The following DMD variants were observed in gnomAD, a reference collection of about 807,000 sequenced individuals.
DMD encodes mutant dystrophin.
In DMD, 63 loss-of-function variants were observed where a neutral mutation model predicts 330.1. That is an observed-to-expected ratio of 0.19 (90% CI 0.16 to 0.24). The LOEUF (loss-of-function observed/expected upper bound fraction) is 0.24, where lower values mean the gene tolerates loss of function less well. Among genes scored for constraint, DMD ranks in the 10% least tolerant of loss-of-function variants. DMD has a pLI of 1.00. For synonymous variants in DMD, 1,223 were observed against 959.8 expected, an observed-to-expected ratio of 1.27 and a Z score of -5.07; for missense variants, 3,344 against 2,684.1, an observed-to-expected ratio of 1.25 and a Z score of -5.43.
intron 60 of DMD, among the ~76,000 whole-genome samples, chrX:31,397,918 G>C (rs1383862069): frequency 8.9e-6 from 1 of 112,474 alleles, no homozygotes; most frequent in Non-Finnish European, 1.9e-5. Flanking sequence ...GATGGCAGTG[G>C]TTATAACAAA....
intron 1 of DMD, among the ~76,000 whole-genome samples, chrX:33,183,156 T>A (rs1446019479): frequency 6.2e-5 from 7 of 112,110 alleles, no homozygotes; most frequent in African/African-American, 2.3e-4. Context: ...AAAATAAAAT[T>A]TGAGTTAGCC....
intron 1 of DMD, among the ~76,000 whole-genome samples, chrX:33,250,646 G>C (rs1004698792): frequency 2.7e-5 from 3 of 111,187 alleles, no homozygotes; most frequent in Admixed American, 1.9e-4. Flanking sequence ...CAAATAGAAA[G>C]TAATGCTTTC....
intron 2 of DMD, among the ~76,000 whole-genome samples, chrX:32,889,420 A>T (rs941324010): frequency 1.8e-5 from 2 of 110,646 alleles, no homozygotes. Context: ...TTGTACATGA[A>T]ATCAGGTAAG....
chrX:32,954,293 G>A (rs1276536018), intron 2 of DMD, among the ~76,000 whole-genome samples: 2 of 111,674 alleles, frequency 1.8e-5, no homozygotes, highest in African/African-American at 6.5e-5. Context: ...CCTCAGAGTC[G>A]AGTGGAAACT....
chrX:32,115,142 C>G (rs751630018), intron 44 of DMD, among the ~76,000 whole-genome samples: 2 of 111,567 alleles, frequency 1.8e-5, no homozygotes, highest in South Asian at 7.5e-4. Context: ...AAGGTGCAGT[C>G]AATTCTCGGG....
chrX:31,850,865 C>G (rs777171705), intron 48 of DMD, among the ~76,000 whole-genome samples: 1 of 112,176 alleles, frequency 8.9e-6, no homozygotes, highest in Non-Finnish European at 1.9e-5. Flanking sequence ...ATTTCTGGGA[C>G]AAAAAAACCA....
At chrX:32,778,358 C>T in intron 7 of DMD, among the ~76,000 whole-genome samples, 1 of 110,383 alleles carries the variant, frequency 9.1e-6, no homozygotes, top group Non-Finnish European at 1.9e-5. Flanking sequence ...TGCTGGACTT[C>T]TACCATTGAG....
At chrX:32,441,787 G>C (rs911426352) in intron 27 of DMD, among the ~76,000 whole-genome samples, 1 of 111,056 alleles carries the variant, frequency 9.0e-6, no homozygotes. Flanking sequence ...TTACTAAGAA[G>C]ACATATTTTT....
At chrX:32,369,788 T>C (rs1163484409) in intron 34 of DMD, among the ~76,000 whole-genome samples, 1 of 110,969 alleles carries the variant, frequency 9.0e-6, no homozygotes, top group Non-Finnish European at 1.9e-5. Context: ...ATCTTAAGAG[T>C]CTCCTGTTCT....
Position 31,733,994 on chromosome X carries a change from G to A in DMD, c.7543-4246C>T, listed in dbSNP as rs1017982418. On this transcript the variant is annotated intron_variant, in intron 51 of 78. Transcript: ENST00000357033. ...ACTTCATAAATATCTTCCAACTGCAGTTAGCCTTTTTTGTTCTTTATTCAC... is the reference window on the plus strand; with the variant it reads ...ACTTCATAAATATCTTCCAACTGCAATTAGCCTTTTTTGTTCTTTATTCAC... Among the ~76,000 whole-genome samples, 3 of 111,269 alleles carry A rather than the reference G, an allele frequency of 2.7e-5. No individual in the cohort carries two copies. In the East Asian group the frequency reaches 8.5e-4, roughly 31 times the overall value.
intron 52 of DMD, among the ~76,000 whole-genome samples, chrX:31,696,800 T>C (rs1378838881): frequency 8.9e-6 from 1 of 112,089 alleles, no homozygotes; most frequent in African/African-American, 3.2e-5. Flanking sequence ...TGACTGTACA[T>C]TGATGTGACA....
At chrX:31,203,081 A>C (rs1009097267) in intron 67 of DMD, among the ~76,000 whole-genome samples, 14 of 109,866 alleles carry the variant, frequency 1.3e-4, no homozygotes, top group Non-Finnish European at 2.1e-4. Flanking sequence ...CAGGAGTTTG[A>C]GACCAGCCTG....
chrX:31,355,414 G>A (rs1040801374), intron 60 of DMD, among the ~76,000 whole-genome samples: 1 of 112,120 alleles, frequency 8.9e-6, no homozygotes, highest in Non-Finnish European at 1.9e-5. Flanking sequence ...AACTAGGAAC[G>A]TATGTTTTGA....
intron 2 of DMD, among the ~76,000 whole-genome samples, chrX:32,921,909 G>A (rs1407161092): frequency 2.7e-5 from 3 of 111,111 alleles, no homozygotes; most frequent in East Asian, 5.6e-4. Flanking sequence ...TTGTATAAAC[G>A]TTTATTTATC....
intron 2 of DMD, among the ~76,000 whole-genome samples, chrX:32,914,243 C>T (rs2087574395): frequency 9.0e-6 from 1 of 111,574 alleles, no homozygotes; most frequent in Non-Finnish European, 1.9e-5. Context: ...GTTAGAGACA[C>T]AGAGAAATGC....
At chrX:32,193,362 G>C (rs1471736676) in intron 44 of DMD, among the ~76,000 whole-genome samples, 9 of 111,997 alleles carry the variant, frequency 8.0e-5, no homozygotes, top group African/African-American at 2.9e-4. Context: ...TGAACATTAA[G>C]AAAACATGCC....
At chrX:32,091,962 T>C (rs1253113321) in intron 44 of DMD, among the ~76,000 whole-genome samples, 5 of 111,596 alleles carry the variant, frequency 4.5e-5, no homozygotes, top group Non-Finnish European at 9.4e-5. Flanking sequence ...ATATTCATCA[T>C]CTATAAAATG....
intron 48 of DMD, 104 bp downstream of exon 48, chrX:31,875,084 C>CCAAAGTATTAAATA (rs1746124550): frequency 2.0e-5 from 15 of 747,591 alleles, no homozygotes; most frequent in Non-Finnish European, 2.7e-5. Flanking sequence ...CACACTTTAA[C>CCAAAGTATTAAATA]AAGTAATATT....
chrX:32,303,376 T>G (rs12858102), intron 42 of DMD, among the ~76,000 whole-genome samples: 2 of 110,682 alleles, frequency 1.8e-5, no homozygotes, highest in African/African-American at 6.5e-5. Flanking sequence ...GATACAGTGG[T>G]GGAGGAAAAA....
Sources: gnomAD v4.1 joint callset for allele counts (sites outside exome capture counted in the v4.1 genomes callset) on GRCh38, gnomAD v4.1.1 for gene constraint, MANE v1.5 for transcripts, NCBI Gene and HGNC (gene_info 2026-07-23, HGNC 2026-07-21) for gene names.